DCAF7: variants seen among roughly 807,000 people sequenced by gnomAD.
The protein encoded by DCAF7 is DDB1 and CUL4 associated factor 7, also known as DDB1- and CUL4-associated factor 7.
Under a neutral mutation model 41.2 loss-of-function variants are expected in DCAF7, and 4 were observed. That is an observed-to-expected ratio of 0.10 (90% CI 0.05 to 0.22). DCAF7 has a LOEUF of 0.22. DCAF7 is among the 10% of genes least tolerant of loss of function. The pLI is 1.00. For synonymous variants in DCAF7, 143 were observed against 164.2 expected, an observed-to-expected ratio of 0.87 and a Z score of 0.99; for missense variants, 131 against 443.2, an observed-to-expected ratio of 0.30 and a Z score of 6.32.
rs1351445986 is a variant in DCAF7, at chr17:63,589,376, C to T, written c.*204C>T. On this transcript the variant is annotated 3_prime_UTR_variant, in exon 7 of 7. Transcript: ENST00000614556. ...GACTCAGTGCTGTGTGGCGCCTCCT[C>T]AGCCCAGGGCTGAGTTTTAAGATTT... 1.5e-5 allele frequency: 10 copies of T among 677,586 alleles called. No homozygotes were observed. In the East Asian group the frequency reaches 2.6e-4, roughly 17 times the overall value. The allele number at this position is 677,586 out of a possible 1,614,324, so 42.0% of individuals were successfully genotyped here.
chr17:63,580,507 CTTTTTTTT>C (rs530801174), intron 4 of DCAF7, among the ~76,000 whole-genome samples: 9 of 43,880 alleles, frequency 2.1e-4, no homozygotes, highest in African/African-American at 3.3e-4. Flanking sequence ...TTTGTGATTG[CTTTTTTTT>C]TTTTTTTTTT....
intron 1 of DCAF7, among the ~76,000 whole-genome samples, chr17:63,568,493 T>C (rs1252451928): frequency 1.3e-5 from 2 of 152,194 alleles, no homozygotes; most frequent in African/African-American, 4.8e-5. Context: ...AAAACACAAT[T>C]ACCTTTGCAC....
chr17:63,552,118 G>A (rs2033263623), intron 1 of DCAF7, among the ~76,000 whole-genome samples: 1 of 152,028 alleles, frequency 6.6e-6, no homozygotes, highest in Non-Finnish European at 1.5e-5. Context: ...TGACAAGGCT[G>A]ATGCAGGGGG....
At chr17:63,559,422 TA>T (rs2033354605) in intron 1 of DCAF7, among the ~76,000 whole-genome samples, 1 of 68,092 alleles carries the variant, frequency 1.5e-5, no homozygotes, top group Non-Finnish European at 2.8e-5. Flanking sequence ...TATATATACG[TA>T]TATATATATG....
intron 1 of DCAF7, among the ~76,000 whole-genome samples, chr17:63,573,541 A>T (rs1406250254): frequency 1.3e-5 from 2 of 152,040 alleles, no homozygotes; most frequent in Non-Finnish European, 2.9e-5. Context: ...CCTGACCGAC[A>T]TGGTGAAACC....
chr17:63,589,095 A>C lies in DCAF7; in HGVS notation c.952A>C (p.Asn318His). The change falls in exon 7 of 7, where the codon AAT becomes CAT. Residue 318 changes from asparagine (N) to histidine (H), a missense_variant. Coordinates refer to ENST00000614556, the MANE Select transcript of DCAF7 (RefSeq NM_005828.5). ...CTACACAGCTGAAGGAGAGATCAACAATGTGCAGTGGGCATCAACTCAGCC... is the reference window on the plus strand; with the variant it reads ...CTACACAGCTGAAGGAGAGATCAACCATGTGCAGTGGGCATCAACTCAGCC... ...LAYTAEGEIN[N>H]VQWASTQPDW... 6.2e-7 allele frequency: 1 copy of C among 1,613,998 alleles called. No homozygotes were observed. The highest frequency in any genetic ancestry group is 8.5e-7 in the Non-Finnish European group (1 of 1,179,892).
At chr17:63,574,572 C>T (rs1393932512) in intron 1 of DCAF7, among the ~76,000 whole-genome samples, 2 of 152,120 alleles carry the variant, frequency 1.3e-5, no homozygotes, top group Admixed American at 1.3e-4. Flanking sequence ...AAAAAAGCTA[C>T]TAAAACTAAT....
chr17:63,559,365 ATATATATATGTG>A (rs1341190203), intron 1 of DCAF7, among the ~76,000 whole-genome samples: 3,777 of 115,416 alleles, frequency 0.033, 297 homozygotes, highest in African/African-American at 0.14. Context: ...ATATGTATGT[ATATATATATGTG>A]TATATATATG....
At chr17:63,559,377 GTATATATATGTA>G (rs71155978) in intron 1 of DCAF7, among the ~76,000 whole-genome samples, 32,020 of 113,654 alleles carry the variant, frequency 0.28, 5,095 homozygotes, top group Middle Eastern at 0.38. Context: ...ATATATATGT[GTATATATATGTA>G]TATATATATG....
intron 4 of DCAF7, among the ~76,000 whole-genome samples, chr17:63,582,455 C>T (rs1460821379): frequency 2.0e-5 from 3 of 150,798 alleles, no homozygotes; most frequent in Admixed American, 1.3e-4. Flanking sequence ...GCTCTCTCTT[C>T]GTCCCTCTTC....
In DCAF7 at chr17:63,569,509, G is replaced by A. The variant is rs944131765; in HGVS notation, c.139-8961G>A. Among the ~76,000 whole-genome samples, 26 of 152,206 alleles carry A rather than the reference G, an allele frequency of 1.7e-4. 1 individual carries two copies. Among genetic ancestry groups the A allele is most frequent in the African/African-American group, 6.3e-4 (26 of 41,530 alleles). On this transcript the variant is annotated intron_variant, in intron 1 of 6. Coordinates refer to ENST00000614556, the MANE Select transcript of DCAF7 (RefSeq NM_005828.5). The stretch of plus-strand genomic sequence containing the variant: ...ACAGTACCACCAGGCCTGATCTCCA[G>A]GCCGTGCACTCTCACATAGCAGCAC...
At chr17:63,588,620 G>T (rs1471858337) in intron 6 of DCAF7, among the ~76,000 whole-genome samples, 1 of 152,132 alleles carries the variant, frequency 6.6e-6, no homozygotes, top group Non-Finnish European at 1.5e-5. Flanking sequence ...AATGATCAGA[G>T]AATGATCTTT....
Position 63,592,483 on chromosome 17 carries a change from C to T in DCAF7, c.*3311C>T, listed in dbSNP as rs2033745116. 1 of 151,630 alleles carries T rather than the reference C, an allele frequency of 6.6e-6. No individual in the cohort carries two copies. Among genetic ancestry groups the T allele is most frequent in the Admixed American group, 6.6e-5 (1 of 15,222 alleles). 9.4% of individuals were successfully genotyped at this position (151,630 alleles called of 1,614,324 possible). Reference sequence around the variant, plus strand: ...GGCTCTGAGAGAACTGGCTAAGATTCAGGAAGAAACAAAAAATTCAGAATC... The same window carrying T: ...GGCTCTGAGAGAACTGGCTAAGATTTAGGAAGAAACAAAAAATTCAGAATC... On this transcript the variant is annotated 3_prime_UTR_variant, in exon 7 of 7. Coordinates refer to ENST00000614556, the MANE Select transcript of DCAF7 (RefSeq NM_005828.5).
chr17:63,591,351 A>T lies in DCAF7; in HGVS notation c.*2179A>T, dbSNP rs1418670768. ...TGTCAGCTGGAACTCAGAAACAACA[A>T]CTTGAAAAAAAAATAATAATTAGAA... is the stretch of plus-strand genomic sequence containing the variant. On this transcript the variant is annotated 3_prime_UTR_variant, in exon 7 of 7. Transcript: ENST00000614556. 6.6e-6 allele frequency: 1 copy of T among 152,034 alleles called. No individual in the cohort carries two copies. The highest frequency in any genetic ancestry group is 1.5e-5 in the Non-Finnish European group (1 of 68,024). The allele number at this position is 152,034 out of a possible 1,614,324, so 9.4% of individuals were successfully genotyped here. A position where few individuals can be genotyped will look rare whatever the true frequency, so the allele number is the denominator to read the frequency against.
intron 1 of DCAF7, among the ~76,000 whole-genome samples, chr17:63,559,353 A>C (rs1365184334): frequency 7.5e-6 from 1 of 133,894 alleles, no homozygotes; most frequent in Admixed American, 7.8e-5. Flanking sequence ...ATATACGTAT[A>C]TATATGTATG....
intron 5 of DCAF7, among the ~76,000 whole-genome samples, chr17:63,584,867 G>A (rs2033661197): frequency 6.6e-6 from 1 of 152,190 alleles, no homozygotes; most frequent in Non-Finnish European, 1.5e-5. Flanking sequence ...GGTGGCGCTA[G>A]CACCTCAGAT....
At chr17:63,559,919 A>G (rs1218053151) in intron 1 of DCAF7, among the ~76,000 whole-genome samples, 2 of 152,214 alleles carry the variant, frequency 1.3e-5, no homozygotes, top group African/African-American at 4.8e-5. Context: ...TAAACTATAT[A>G]AAAATAAAAT....
chr17:63,560,273 T>C (rs2033366744), intron 1 of DCAF7, among the ~76,000 whole-genome samples: 1 of 152,230 alleles, frequency 6.6e-6, no homozygotes, highest in Non-Finnish European at 1.5e-5. Flanking sequence ...ATTGGCATTA[T>C]TTTCCACCTG....
In DCAF7 at chr17:63,589,317, T is replaced by C; in HGVS notation, c.*145T>C. Reference sequence around the variant, plus strand: ...CTGTTACCAGAAGCTGCTCTAGGAGTTCCTGGCCAGTCACCCCATCGCCCT... The same window carrying C: ...CTGTTACCAGAAGCTGCTCTAGGAGCTCCTGGCCAGTCACCCCATCGCCCT... On this transcript the variant is annotated 3_prime_UTR_variant, in exon 7 of 7. Transcript: ENST00000614556. 8.8e-7 allele frequency: 1 copy of C among 1,132,972 alleles called. No individual in the cohort carries two copies. Among genetic ancestry groups the C allele is most frequent in the Non-Finnish European group, 1.3e-6 (1 of 777,650 alleles). 70.2% of individuals were successfully genotyped at this position (1,132,972 alleles called of 1,614,324 possible).
Sources: gnomAD v4.1 joint callset for allele counts (sites outside exome capture counted in the v4.1 genomes callset) on GRCh38, gnomAD v4.1.1 for gene constraint, MANE v1.5 for transcripts, NCBI Gene and HGNC (gene_info 2026-07-23, HGNC 2026-07-21) for gene names.